Variants in OSBPL10 observed in about 807,000 individuals in gnomAD.
The protein encoded by OSBPL10 is oxysterol-binding protein-related protein 10.
Under a neutral mutation model 81.7 loss-of-function variants are expected in OSBPL10, and 49 were observed. That is an observed-to-expected ratio of 0.60 (90% CI 0.48 to 0.76). OSBPL10 has a LOEUF of 0.76. Among genes scored for constraint, OSBPL10 ranks in the 30% least tolerant of loss-of-function variants. The probability of loss-of-function intolerance (pLI) is 0.00; values close to 1 mark genes in which losing one functional copy is unlikely to be tolerated. For missense variants in OSBPL10, 923 were observed against 987.8 expected (o/e 0.93, Z 0.88); for synonymous variants, 419 against 383.6 (o/e 1.09, Z -1.08).
At chr3:31,965,831 T>A (rs758370603) in intron 1 of OSBPL10, among the ~76,000 whole-genome samples, 5,104 of 83,660 alleles carry the variant, frequency 0.061, 522 homozygotes, top group East Asian at 0.25. Flanking sequence ...TATATAAATA[T>A]ATAATATATA....
intron 1 of OSBPL10, among the ~76,000 whole-genome samples, chr3:32,067,578 C>T (rs1699789463): frequency 6.6e-6 from 1 of 152,202 alleles, no homozygotes; most frequent in African/African-American, 2.4e-5. Flanking sequence ...AATAGCCTTA[C>T]TGATGACATT....
At chr3:31,970,570 C>T (rs182779689) in intron 1 of OSBPL10, among the ~76,000 whole-genome samples, 52 of 152,322 alleles carry the variant, frequency 3.4e-4, no homozygotes, top group Non-Finnish European at 6.0e-4. Flanking sequence ...TTATTTTTGA[C>T]AGCCATGCAT....
rs1349048116 is a variant in OSBPL10, at chr3:31,879,548, A to G, written c.457+107T>C. On this transcript the variant is annotated intron_variant, in intron 2 of 11. Transcript: ENST00000396556. ...TGTCACCACAGAGTCCTCCAAACACAGCAAACTGTCAAAGGCAATTTAAAA... is the reference window on the plus strand; with the variant it reads ...TGTCACCACAGAGTCCTCCAAACACGGCAAACTGTCAAAGGCAATTTAAAA... 2.5e-6 allele frequency: 3 copies of G among 1,214,344 alleles called. No homozygotes were observed. The Admixed American group carries it at 7.9e-5, about 32-fold the overall frequency. 75.2% of individuals were successfully genotyped at this position (1,214,344 alleles called of 1,614,324 possible).
intron 4 of OSBPL10, among the ~76,000 whole-genome samples, chr3:31,778,179 T>C (rs1698593681): frequency 6.6e-6 from 1 of 152,196 alleles, no homozygotes; most frequent in African/African-American, 2.4e-5. Context: ...GGAGATAAAC[T>C]CAGTGCTATT....
chr3:31,917,901 G>A (rs1472527314), intron 1 of OSBPL10, among the ~76,000 whole-genome samples: 1 of 151,590 alleles, frequency 6.6e-6, no homozygotes, highest in African/African-American at 2.4e-5. Context: ...AACATCAAGG[G>A]ACTCTGATTA....
intron 3 of OSBPL10, among the ~76,000 whole-genome samples, chr3:31,833,970 A>G (rs1400842519): frequency 6.6e-6 from 1 of 152,138 alleles, no homozygotes; most frequent in Non-Finnish European, 1.5e-5. Context: ...AAAACCTTTA[A>G]TTTTCCATTA....
intron 3 of OSBPL10, among the ~76,000 whole-genome samples, chr3:31,856,019 ATATATATT>A (rs1346043053): frequency 2.0e-5 from 3 of 150,860 alleles, no homozygotes; most frequent in African/African-American, 7.3e-5. Context: ...TCCTAAAAAT[ATATATATT>A]TATATATGTA....
At chr3:31,663,469 G>C in intron 11 of OSBPL10, 2 of 989,310 alleles carry the variant, frequency 2.0e-6, no homozygotes, top group South Asian at 9.2e-5. Flanking sequence ...ACAACTTCAA[G>C]AGCATAAGGG....
intron 3 of OSBPL10, among the ~76,000 whole-genome samples, chr3:31,844,717 T>C (rs1180822550): frequency 2.6e-5 from 4 of 152,346 alleles, no homozygotes; most frequent in East Asian, 1.9e-4. Flanking sequence ...TGGAACTACA[T>C]AGAAGTGGTG....
At position 31,990,927 on chromosome 3, in the gene OSBPL10, T is replaced by C. The variant is rs767365592; in HGVS notation, n.298+55564A>G. 1.2e-5 allele frequency: 19 copies of C among 1,574,964 alleles called. No individual in the cohort carries two copies. The African/African-American group carries it at 1.9e-4, about 16-fold the overall frequency. ...ATCGCATTAGACATCAGAGAATCCA[T>C]ACCGGACAGAAATCTTACAAATGTC... On this transcript the variant is annotated intron_variant and non_coding_transcript_variant, in intron 2 of 3. Coordinates refer to the OSBPL10 transcript ENST00000479173.
intron 1 of OSBPL10, among the ~76,000 whole-genome samples, chr3:31,938,774 G>A (rs2125734669): frequency 6.6e-6 from 1 of 152,262 alleles, no homozygotes; most frequent in Middle Eastern, 3.4e-3. Context: ...GACTACAGGT[G>A]TGAGCCAACA....
chr3:31,695,970 G>A (rs543098390), intron 7 of OSBPL10, among the ~76,000 whole-genome samples: 21 of 152,210 alleles, frequency 1.4e-4, no homozygotes, highest in African/African-American at 4.3e-4. Context: ...CATACAGAGC[G>A]GCCCTATGAG....
chr3:31,769,279 C>G (rs1311258405), intron 4 of OSBPL10, among the ~76,000 whole-genome samples: 1 of 151,294 alleles, frequency 6.6e-6, no homozygotes, highest in Non-Finnish European at 1.5e-5. Flanking sequence ...CCCGTCTCTA[C>G]TAAAAAACAC....
At chr3:31,768,466 C>T (rs965623342) in intron 4 of OSBPL10, among the ~76,000 whole-genome samples, 1 of 152,186 alleles carries the variant, frequency 6.6e-6, no homozygotes, top group South Asian at 2.1e-4. Context: ...TATTAATTCA[C>T]CACCTTTAAA....
At chr3:31,786,483 G>A (rs1030411365) in intron 4 of OSBPL10, among the ~76,000 whole-genome samples, 8 of 152,164 alleles carry the variant, frequency 5.3e-5, no homozygotes, top group African/African-American at 1.7e-4. Flanking sequence ...CAAGGTGCCT[G>A]TAGGTTCTGT....
At chr3:31,674,571 CAGAT>C (rs1326547538) in intron 8 of OSBPL10, among the ~76,000 whole-genome samples, 1 of 147,054 alleles carries the variant, frequency 6.8e-6, no homozygotes, top group Admixed American at 7.0e-5. Flanking sequence ...AATAGATAGA[CAGAT>C]AGATAGATTA....
chr3:31,867,004 G>T lies in OSBPL10; in HGVS notation c.537+9429C>A, dbSNP rs546025077. ...ATCATATTCCTCCATGACCAAATTT[G>T]CATAAGACTTTATCCTAAAATTTGT... On this transcript the variant is annotated intron_variant, in intron 3 of 11. Coordinates refer to ENST00000396556, the MANE Select transcript of OSBPL10 (RefSeq NM_017784.5). 5.3e-5 allele frequency among the ~76,000 whole-genome samples: 8 copies of T among 152,256 alleles called. No individual in the cohort carries two copies. The South Asian group carries it at 1.5e-3, about 28-fold the overall frequency.
intron 1 of OSBPL10, among the ~76,000 whole-genome samples, chr3:31,975,509 A>G (rs1698670602): frequency 6.6e-6 from 1 of 152,248 alleles, no homozygotes; most frequent in African/African-American, 2.4e-5. Context: ...CACTCAACGT[A>G]TGTTGTTAAT....
At chr3:31,686,855 T>C (rs1700804093) in intron 7 of OSBPL10, among the ~76,000 whole-genome samples, 1 of 152,138 alleles carries the variant, frequency 6.6e-6, no homozygotes, top group Non-Finnish European at 1.5e-5. Context: ...CAATGAGGCT[T>C]CACTGGGGTC....
Sources: gnomAD v4.1 joint callset for allele counts (sites outside exome capture counted in the v4.1 genomes callset) on GRCh38, gnomAD v4.1.1 for gene constraint, MANE v1.5 for transcripts, NCBI Gene and HGNC (gene_info 2026-07-23, HGNC 2026-07-21) for gene names.